The following E2F6 variants were observed in gnomAD, a reference collection of about 807,000 sequenced individuals.
The protein encoded by E2F6 is transcription factor E2F6.
A neutral mutation model predicts 31.5 loss-of-function variants in E2F6; 19 were observed. The ratio of observed to expected loss-of-function variants is 0.60; its 90% CI spans 0.42 to 0.89. E2F6 has a LOEUF of 0.89. Among genes scored for constraint, E2F6 ranks in the 40% least tolerant of loss-of-function variants. The probability of loss-of-function intolerance (pLI) is 0.00; values close to 1 mark genes in which losing one functional copy is unlikely to be tolerated. For synonymous variants in E2F6, 121 were observed against 127.7 expected (o/e 0.95, Z 0.36); for missense variants, 269 against 341.6 (o/e 0.79, Z 1.67).
chr2:11,463,952 G>T lies in E2F6; in HGVS notation c.108+1820C>A, dbSNP rs560621199. 6.8e-3 allele frequency among the ~76,000 whole-genome samples: 926 copies of T among 135,494 alleles called. 64 individuals carry two copies. Among genetic ancestry groups the T allele is most frequent in the African/African-American group, 0.024 (880 of 36,990 alleles). The allele number at this position is 135,494 out of a possible 152,430, so 88.9% of individuals were successfully genotyped here. ...TGACAGAGTGAGATCCTGCACCGGGGGGGGGGACAAAAACAAAAACAGAAA... is the reference window on the plus strand; with the variant it reads ...TGACAGAGTGAGATCCTGCACCGGGTGGGGGGACAAAAACAAAAACAGAAA... On this transcript the variant is annotated intron_variant, in intron 1 of 6. Coordinates refer to ENST00000381525, the MANE Select transcript of E2F6 (RefSeq NM_198256.4).
At chr2:11,460,409 T>C (rs1671703012) in intron 1 of E2F6, among the ~76,000 whole-genome samples, 1 of 152,194 alleles carries the variant, frequency 6.6e-6, no homozygotes, top group African/African-American at 2.4e-5. Context: ...TCTTTCCCGT[T>C]TGTCCTTGGA....
intron 1 of E2F6, among the ~76,000 whole-genome samples, chr2:11,464,472 A>G (rs1183383154): frequency 3.4e-5 from 5 of 146,088 alleles, no homozygotes; most frequent in Non-Finnish European, 4.5e-5. Context: ...AACCGAGATC[A>G]GGCCACTGCA....
rs890423178 is a variant in E2F6, at chr2:11,444,815, A to G, written c.*1662T>C. On this transcript the variant is annotated 3_prime_UTR_variant, in exon 7 of 7. Transcript: ENST00000381525. The stretch of plus-strand genomic sequence containing the variant: ...TCTTGCTTTCATCAAGCATGTCCCA[A>G]ACCTAAGTTTTACCCTAGGCTTGCT... The G allele has an allele frequency of 1.2e-4, 19 of 152,244 alleles. No individual in the cohort carries two copies. Among genetic ancestry groups the G allele is most frequent in the Admixed American group, 9.2e-4 (14 of 15,286 alleles). The allele number at this position is 152,244 out of a possible 1,614,324, so 9.4% of individuals were successfully genotyped here. A position where few individuals can be genotyped will look rare whatever the true frequency, so the allele number is the denominator to read the frequency against.
chr2:11,458,742 G>A (rs970142708), intron 1 of E2F6, among the ~76,000 whole-genome samples: 1 of 152,184 alleles, frequency 6.6e-6, no homozygotes, highest in Non-Finnish European at 1.5e-5. Context: ...TATCATCTAT[G>A]ACAAGATGAT....
At chr2:11,465,187 A>AAG (rs1318769694) in intron 1 of E2F6, among the ~76,000 whole-genome samples, 651 of 148,468 alleles carry the variant, frequency 4.4e-3, no homozygotes, top group Middle Eastern at 0.024. Flanking sequence ...TCAAAAAAAA[A>AAG]AAAAAAAAAG....
chr2:11,453,205 T>TA (rs907567324), intron 3 of E2F6, among the ~76,000 whole-genome samples: 3 of 152,102 alleles, frequency 2.0e-5, no homozygotes, highest in African/African-American at 7.2e-5. Flanking sequence ...GGCAGTATTT[T>TA]AAACACCTCG....
chr2:11,456,904 G>A (rs571705550), intron 2 of E2F6: 2 of 381,850 alleles, frequency 5.2e-6, no homozygotes, highest in South Asian at 5.9e-5. Context: ...CCTAAGATAA[G>A]GGACAAGAAG....
intron 3 of E2F6, among the ~76,000 whole-genome samples, chr2:11,453,161 A>G (rs1186949794): frequency 6.7e-6 from 1 of 149,256 alleles, no homozygotes; most frequent in East Asian, 1.9e-4. Context: ...TGTCTTTTAG[A>G]CACTGTCTGA....
At chr2:11,454,862 T>G (rs1671306660) in intron 2 of E2F6, among the ~76,000 whole-genome samples, 1 of 152,182 alleles carries the variant, frequency 6.6e-6, no homozygotes. Context: ...CACGTTCTTT[T>G]AACTCCATAT....
At chr2:11,457,004 C>T (rs1671447350) in intron 2 of E2F6, 175 bp downstream of exon 2, 3 of 580,976 alleles carry the variant, frequency 5.2e-6, no homozygotes, top group Non-Finnish European at 9.4e-6. Flanking sequence ...CATTTGTGCA[C>T]ATGATTCAAC....
Position 11,450,090 on chromosome 2 carries a change from A to C in E2F6, c.573T>G (p.Ile191Met). Residue 191 changes from isoleucine (I) to methionine (M), a missense_variant, in exon 5 of 7, where the codon ATT becomes ATG. Coordinates refer to ENST00000381525, the MANE Select transcript of E2F6 (RefSeq NM_198256.4). ...TGACGATCTGTTCATGGAAGGCCTGAATGCTATGAATGTCTTGATAGGTCA... is the reference window on the plus strand; with the variant it reads ...TGACGATCTGTTCATGGAAGGCCTGCATGCTATGAATGTCTTGATAGGTCA... ...AYVTYQDIHSIQAFHEQIVIA... is the reference protein window; with the variant it reads ...AYVTYQDIHSMQAFHEQIVIA... 6.2e-7 allele frequency: 1 copy of C among 1,613,272 alleles called. No homozygotes were observed.
chr2:11,456,948 G>T, intron 2 of E2F6: 1 of 460,294 alleles, frequency 2.2e-6, no homozygotes, highest in Non-Finnish European at 3.9e-6. Flanking sequence ...GAGGAATTCT[G>T]AGAAAATAGC....
Position 11,451,640 on chromosome 2 carries a change from T to A in E2F6, c.536+11A>T. ...GCAGAAATTTTAAAAAGGTATAGAC[T>A]TAAAGGATATCTTTCATTTTCTTTG... On this transcript the variant is annotated intron_variant, in intron 4 of 6. Coordinates refer to ENST00000381525, the MANE Select transcript of E2F6 (RefSeq NM_198256.4). 6.2e-7 allele frequency: 1 copy of A among 1,608,722 alleles called. No homozygotes were observed. The highest frequency in any genetic ancestry group is 8.5e-7 in the Non-Finnish European group (1 of 1,177,386).
intron 3 of E2F6, 131 bp downstream of exon 3, chr2:11,453,451 G>T: frequency 1.2e-6 from 1 of 858,034 alleles, no homozygotes; most frequent in Non-Finnish European, 1.8e-6. Flanking sequence ...AAATTTTATA[G>T]AATTCTCTTC....
intron 3 of E2F6, among the ~76,000 whole-genome samples, chr2:11,453,248 A>C (rs755119606): frequency 1.3e-5 from 2 of 152,030 alleles, no homozygotes; most frequent in African/African-American, 2.4e-5. Context: ...ACCTGTTGAG[A>C]ATGTACTTTC....
intron 6 of E2F6, 63 bp from the exon 7 acceptor site, chr2:11,446,586 G>A (rs1311571493): frequency 1.5e-6 from 2 of 1,358,932 alleles, no homozygotes; most frequent in East Asian, 4.7e-5. Context: ...GGTCTGATAG[G>A]CAAATACGTA....
intron 4 of E2F6, chr2:11,451,367 T>TTA: frequency 6.9e-6 from 1 of 144,592 alleles, no homozygotes; most frequent in Non-Finnish European, 1.4e-5. Flanking sequence ...TTTTTTTTTT[T>TTA]GAGACGGAGT....
chr2:11,458,785 T>C (rs1572508268), intron 1 of E2F6, among the ~76,000 whole-genome samples: 1 of 152,306 alleles, frequency 6.6e-6, no homozygotes, highest in Middle Eastern at 3.4e-3. Flanking sequence ...CAATATGGAA[T>C]ACTCCCATTG....
chr2:11,451,163 T>G (rs1326326644), intron 4 of E2F6: 3 of 152,192 alleles, frequency 2.0e-5, no homozygotes, highest in African/African-American at 7.2e-5. Context: ...AATATTTTAT[T>G]ATCCTTATAG....
Sources: allele counts gnomAD v4.1 joint callset (sites outside exome capture counted in the v4.1 genomes callset), GRCh38; gene constraint gnomAD v4.1.1; transcripts MANE v1.5; gene names NCBI Gene and HGNC (gene_info 2026-07-23, HGNC 2026-07-21).